Variants in WNT3A observed in about 807,000 individuals in gnomAD.
The protein encoded by WNT3A is protein Wnt-3a.
Under a neutral mutation model 37.0 loss-of-function variants are expected in WNT3A, and 17 were observed. The ratio of observed to expected loss-of-function variants is 0.46; its 90% confidence interval spans 0.31 to 0.69. WNT3A has a LOEUF of 0.69. WNT3A is among the 30% of genes least tolerant of loss of function. The pLI is 0.05. For synonymous variants in WNT3A, 187 were observed against 211.0 expected (o/e 0.89, Z 0.99); for missense variants, 411 against 510.2 (o/e 0.81, Z 1.87).
intron 2 of WNT3A, among the ~76,000 whole-genome samples, chr1:228,040,330 C>T (rs1193360270): frequency 7.9e-5 from 12 of 152,188 alleles, no homozygotes; most frequent in Admixed American, 7.9e-4. Context: ...GCTTTTCCCA[C>T]TGTCACCCCC....
At chr1:228,053,631 G>GA (rs1262152935) in intron 3 of WNT3A, among the ~76,000 whole-genome samples, 2 of 151,316 alleles carry the variant, frequency 1.3e-5, no homozygotes, top group East Asian at 1.9e-4. Context: ...TGCAGACTAA[G>GA]AAAAAAAAGA....
At position 228,059,096 on chromosome 1, in the gene WNT3A, C is replaced by T; in HGVS notation, c.690C>T (p.Phe230=). The T allele has an allele frequency of 6.2e-7, 1 of 1,613,778 alleles. No homozygotes were observed. The highest frequency in any genetic ancestry group is 1.7e-5 in the Admixed American group (1 of 60,026). The part of the protein sequence containing the change: ...SQPDFRAIGD[F]LKDKYDSASE... ...CCGACTTCCGCGCCATCGGTGACTT[C>T]CTCAAGGACAAGTACGACAGCGCCT... Residue 230 remains phenylalanine, a synonymous_variant, in exon 4 of 4, where the codon TTC becomes TTT. Transcript: ENST00000284523.
chr1:228,048,404 C>G (rs2031472883), intron 2 of WNT3A, among the ~76,000 whole-genome samples: 1 of 152,222 alleles, frequency 6.6e-6, no homozygotes, highest in Non-Finnish European at 1.5e-5. Context: ...GCCCAGGTGT[C>G]TTCTTGCTAG....
At chr1:228,032,916 C>T (rs1236758590) in intron 2 of WNT3A, among the ~76,000 whole-genome samples, 1 of 152,184 alleles carries the variant, frequency 6.6e-6, no homozygotes, top group African/African-American at 2.4e-5. Flanking sequence ...TTTGCATTTC[C>T]CTGATATCTA....
intron 2 of WNT3A, among the ~76,000 whole-genome samples, chr1:228,048,710 C>T (rs1050970012): frequency 5.9e-5 from 9 of 152,014 alleles, no homozygotes; most frequent in African/African-American, 2.2e-4. Flanking sequence ...GATTATAGGC[C>T]CCCAGCCCTG....
chr1:228,016,154 T>C (rs2030526041), intron 1 of WNT3A, among the ~76,000 whole-genome samples: 2 of 152,076 alleles, frequency 1.3e-5, no homozygotes, highest in Non-Finnish European at 2.9e-5. Flanking sequence ...AGGGTGATTA[T>C]CAGCAAGGCT....
At position 228,014,489 on chromosome 1, in the gene WNT3A, G is replaced by T. The variant is rs536489819; in HGVS notation, c.71+7290G>T. ...TTACTGCTAAAAGACACCAGGCCTG[G>T]ACTTGAGAAACCTAAGAGCCTGCCA... On this transcript the variant is annotated intron_variant, in intron 1 of 3. Transcript: ENST00000284523. Among the ~76,000 whole-genome samples the T allele has an allele frequency of 2.0e-5, 3 of 152,306 alleles. No individual in the cohort carries two copies. In the South Asian group the frequency reaches 6.2e-4, roughly 32 times the overall value.
At position 228,039,313 on chromosome 1, in the gene WNT3A, A is replaced by G. The variant is rs1252107008; in HGVS notation, c.314-11343A>G. ...GAGGCAGAACCATAGCCCCCTTCCC[A>G]GACTAAGCAGCCCAGCCACCAGCTG... On this transcript the variant is annotated intron_variant, in intron 2 of 3. Coordinates refer to ENST00000284523, the MANE Select transcript of WNT3A (RefSeq NM_033131.4). This position sits in a 1 kb window ranked among gnomAD's most constrained non-coding sequence, Gnocchi z 4.1. 1.3e-5 allele frequency among the ~76,000 whole-genome samples: 2 copies of G among 152,140 alleles called. No homozygotes were observed. Among genetic ancestry groups the G allele is most frequent in the African/African-American group, 4.8e-5 (2 of 41,432 alleles).
chr1:228,060,180 G>A lies in WNT3A; in HGVS notation c.*715G>A. On this transcript the variant is annotated 3_prime_UTR_variant, in exon 4 of 4. Transcript: ENST00000284523. Reference sequence around the variant, plus strand: ...ACTCTTCCCTGGGAACCGCCCTCCTGATTAAGGCGTGGCTTCTGCAGGAAT... The same window carrying A: ...ACTCTTCCCTGGGAACCGCCCTCCTAATTAAGGCGTGGCTTCTGCAGGAAT... 1 of 1,351,600 alleles carries A rather than the reference G, an allele frequency of 7.4e-7. No individual in the cohort carries two copies. Among genetic ancestry groups the A allele is most frequent in the Non-Finnish European group, 9.8e-7 (1 of 1,021,428 alleles). 83.7% of individuals were successfully genotyped at this position (1,351,600 alleles called of 1,614,324 possible).
Position 228,022,874 on chromosome 1 carries a change from C to T in WNT3A, c.279C>T (p.Asp93=), listed in dbSNP as rs1212922231. ...GRRWNCTTVH[D]SLAIFGPVLD... ...GGTGGAACTGCACCACCGTCCACGA[C>T]AGCCTGGCCATCTTCGGGCCCGTGC... The change falls in exon 2 of 4, where the codon GAC becomes GAT. Residue 93 remains aspartate, a synonymous_variant. Transcript: ENST00000284523. 4 of 1,612,454 alleles carry T rather than the reference C, an allele frequency of 2.5e-6. No homozygotes were observed. The South Asian group carries it at 3.3e-5, about 13-fold the overall frequency.
intron 1 of WNT3A, among the ~76,000 whole-genome samples, chr1:228,012,190 C>T (rs1286594925): frequency 6.6e-6 from 1 of 152,190 alleles, no homozygotes; most frequent in African/African-American, 2.4e-5. Context: ...GTGCACATCA[C>T]CGTACTGTGA....
At chr1:228,018,322 G>A (rs1020930254) in intron 1 of WNT3A, among the ~76,000 whole-genome samples, 4 of 152,132 alleles carry the variant, frequency 2.6e-5, no homozygotes, top group African/African-American at 7.2e-5. Flanking sequence ...GATGGATTCC[G>A]GGCATCTGCA....
chr1:228,053,707 T>C (rs1360121770), intron 3 of WNT3A, among the ~76,000 whole-genome samples: 1 of 146,820 alleles, frequency 6.8e-6, no homozygotes, highest in Non-Finnish European at 1.5e-5. Flanking sequence ...AATATAGAAA[T>C]TCCACTACCT....
chr1:228,009,141 G>T (rs530065546), intron 1 of WNT3A, among the ~76,000 whole-genome samples: 7 of 152,196 alleles, frequency 4.6e-5, no homozygotes, highest in African/African-American at 1.7e-4. Context: ...TCTCAGTAGG[G>T]TTCTCACACT....
intron 2 of WNT3A, among the ~76,000 whole-genome samples, chr1:228,030,651 C>T (rs1474690466): frequency 6.6e-6 from 1 of 152,190 alleles, no homozygotes; most frequent in Non-Finnish European, 1.5e-5. Context: ...GACTGAGACA[C>T]TCTCTGTGTC....
chr1:228,060,017 G>A lies in WNT3A; in HGVS notation c.*552G>A. On this transcript the variant is annotated 3_prime_UTR_variant, in exon 4 of 4. Transcript: ENST00000284523. Reference sequence around the variant, plus strand: ...GAGGCTTCTTCCTGGATGGGGCAGAGCTTCTCCTGACCAGGGCAAGGCCCC... The same window carrying A: ...GAGGCTTCTTCCTGGATGGGGCAGAACTTCTCCTGACCAGGGCAAGGCCCC... 1.7e-6 allele frequency: 2 copies of A among 1,177,898 alleles called. No homozygotes were observed. The highest frequency in any genetic ancestry group is 2.1e-6 in the Non-Finnish European group (2 of 935,456). 73.0% of individuals were successfully genotyped at this position (1,177,898 alleles called of 1,614,324 possible).
At chr1:228,030,327 C>A (rs930179078) in intron 2 of WNT3A, among the ~76,000 whole-genome samples, 1 of 148,706 alleles carries the variant, frequency 6.7e-6, no homozygotes, top group Non-Finnish European at 1.5e-5. Context: ...ACCTGGGAGG[C>A]GGAGGTTTTA....
rs1053997551 is a variant in WNT3A at position 228,038,355 on chromosome 1, CCT to C, written c.314-12300_314-12299del. Among the ~76,000 whole-genome samples, 92 of 152,320 alleles carry C rather than the reference CCT, an allele frequency of 6.0e-4. 4 individuals are homozygous for C. The highest frequency in any genetic ancestry group is 2.9e-3 in the Admixed American group (44 of 15,310). On this transcript the variant is annotated intron_variant, in intron 2 of 3. Coordinates refer to ENST00000284523, the MANE Select transcript of WNT3A (RefSeq NM_033131.4). This position sits in a 1 kb window ranked among gnomAD's most constrained non-coding sequence, Gnocchi z 5.7. ...CCACAGCAAAGGGTCTTCTCCTTCC[CCT>C]GTGTTCAGGCCTCAGTGGGGGAAAA... is the stretch of plus-strand genomic sequence containing the variant.
chr1:228,050,067 C>T lies in WNT3A; in HGVS notation c.314-589C>T, dbSNP rs1178880315. Among the ~76,000 whole-genome samples the T allele has an allele frequency of 5.3e-5, 8 of 151,986 alleles. No individual in the cohort carries two copies. Among genetic ancestry groups the T allele is most frequent in the Non-Finnish European group, 1.2e-4 (8 of 67,992 alleles). On this transcript the variant is annotated intron_variant, in intron 2 of 3. Coordinates refer to ENST00000284523, the MANE Select transcript of WNT3A (RefSeq NM_033131.4). The surrounding 1 kb of genome is among the most constrained non-coding windows in gnomAD (Gnocchi z 5.0). ...GGGCTGGGATTACAGATGTAAGCCA[C>T]CTTGCCAGCTGTATGTTTTTTAAGA...
Sources: gnomAD v4.1 joint callset for allele counts (sites outside exome capture counted in the v4.1 genomes callset) on GRCh38, gnomAD v4.1.1 for gene constraint, Gnocchi (gnomAD v3.1) non-coding constraint, MANE v1.5 for transcripts, NCBI Gene and HGNC (gene_info 2026-07-23, HGNC 2026-07-21) for gene names.